CFAP161: variants seen among roughly 807,000 people sequenced by gnomAD.
CFAP161 encodes cilia- and flagella-associated protein 161.
CFAP161 carries 25 observed loss-of-function variants against 29.0 expected under a neutral mutation model. The ratio of observed to expected loss-of-function variants is 0.86; its 90% CI spans 0.63 to 1.20. The LOEUF (loss-of-function observed/expected upper bound fraction) is 1.20. Ranked by LOEUF, CFAP161 falls within the 50% of genes most tolerant of loss-of-function variation. CFAP161 has a pLI of 0.00. For missense variants in CFAP161, 367 were observed against 371.9 expected, an observed-to-expected ratio of 0.99 and a Z score of 0.11; for synonymous variants, 116 against 137.4, an observed-to-expected ratio of 0.84 and a Z score of 1.09.
intron 5 of CFAP161, among the ~76,000 whole-genome samples, chr15:81,144,799 AG>A (rs1411052945): frequency 2.0e-5 from 3 of 150,498 alleles, no homozygotes; most frequent in African/African-American, 7.4e-5. Context: ...AAAAAAAAAA[AG>A]AAAGAAAAAG....
upstream of CFAP161, among the ~76,000 whole-genome samples, chr15:81,129,610 T>C (rs1345845735): frequency 6.6e-6 from 1 of 152,194 alleles, no homozygotes; most frequent in Non-Finnish European, 1.5e-5. Flanking sequence ...GAGCTACAAT[T>C]TGAGATGAGA....
chr15:81,133,487 T>G (rs761926783), upstream of CFAP161, among the ~76,000 whole-genome samples: 1 of 152,146 alleles, frequency 6.6e-6, no homozygotes. Flanking sequence ...AGTCATGTCT[T>G]ACTAGACACT....
chr15:81,102,768 G>A (rs1350107907), intron 1 of CFAP161, among the ~76,000 whole-genome samples: 2 of 152,186 alleles, frequency 1.3e-5, no homozygotes, highest in African/African-American at 2.4e-5. Flanking sequence ...AAGAGACACC[G>A]GCTTAGCTTG....
At chr15:81,136,473 G>A in intron 2 of CFAP161, 43 bp from the exon 3 acceptor site, 1 of 1,564,914 alleles carries the variant, frequency 6.4e-7, no homozygotes. Flanking sequence ...TAACTGTTGA[G>A]GAATTGCATG....
At chr15:81,134,100 C>G (rs1894763314), upstream of CFAP161, 1 of 530,466 alleles carries the variant, frequency 1.9e-6, no homozygotes, top group South Asian at 2.3e-5. Flanking sequence ...TCTCGCCCAC[C>G]CTGCAGTTAA....
intron 2 of CFAP161, among the ~76,000 whole-genome samples, chr15:81,128,087 T>A (rs1894663295): frequency 6.6e-6 from 1 of 152,184 alleles, no homozygotes; most frequent in South Asian, 2.1e-4. Flanking sequence ...TTGTATAAGG[T>A]GGTAATGACC....
In CFAP161 at chr15:81,148,418, G is replaced by A; in HGVS notation, c.791G>A (p.Trp264Ter). 6.2e-7 allele frequency: 1 copy of A among 1,614,144 alleles called. No individual in the cohort carries two copies. The highest frequency in any genetic ancestry group is 8.5e-7 in the Non-Finnish European group (1 of 1,179,998). Reference protein sequence around the residue: ...SHRVEKPRNHWMLVTGNPRDA... With the variant: ...SHRVEKPRNH The stretch of plus-strand genomic sequence containing the variant: ...AGAGTTGAGAAACCAAGGAACCACT[G>A]GATGTTGGTTACTGGGAATCCCAGG... The change falls in exon 7 of 7, where the codon TGG becomes TAG. Residue 264 changes from tryptophan to a stop codon, truncating the protein, a stop_gained. Transcript: ENST00000286732. LOFTEE classifies it low-confidence loss of function (END_TRUNC).
At chr15:81,103,570 G>A (rs1002036459) in intron 1 of CFAP161, among the ~76,000 whole-genome samples, 3 of 152,148 alleles carry the variant, frequency 2.0e-5, no homozygotes, top group Non-Finnish European at 4.4e-5. Context: ...AGGGTGGTGT[G>A]CCCAGGAAGG....
At chr15:81,138,597 C>T (rs968016060) in intron 4 of CFAP161, among the ~76,000 whole-genome samples, 3 of 152,072 alleles carry the variant, frequency 2.0e-5, no homozygotes, top group Admixed American at 6.5e-5. Flanking sequence ...AATCAGGGAG[C>T]CTTGGGGATT....
upstream of CFAP161, among the ~76,000 whole-genome samples, chr15:81,134,013 A>G (rs1894761294): frequency 6.6e-6 from 1 of 152,188 alleles, no homozygotes; most frequent in South Asian, 2.1e-4. Context: ...ACTCGATAGC[A>G]CTTTTCGGTT....
chr15:81,133,176 CATATATATATATAT>C (rs141326043), upstream of CFAP161, among the ~76,000 whole-genome samples: 219 of 60,986 alleles, frequency 3.6e-3, 3 homozygotes, highest in African/African-American at 0.012. Context: ...CCTTCATCAG[CATATATATATATAT>C]ATATATATAT....
intron 1 of CFAP161, chr15:81,118,294 A>T: frequency 2.0e-6 from 1 of 500,372 alleles, no homozygotes; most frequent in South Asian, 1.9e-5. Flanking sequence ...TAAGCTCTCA[A>T]TTTTCCAGTC....
chr15:81,143,726 T>A lies in CFAP161; in HGVS notation c.542T>A (p.Val181Glu). Residue 181 changes from valine to glutamate, a missense_variant, in exon 5 of 7, where the codon GTG (valine) becomes GAG (glutamate). By Grantham distance (121) the Val-to-Glu change is moderately radical. Coordinates refer to ENST00000286732, the MANE Select transcript of CFAP161 (RefSeq NM_173528.4). ...TCTAAGAGGTCTTGGCTCCAGGAAG[T>A]GTACCTAACAGATGAGGTCTCCCAT... ...KSSKRSWLQEVYLTDEVSHVN... is the reference protein window; with the variant it reads ...KSSKRSWLQEEYLTDEVSHVN... The A allele has an allele frequency of 6.2e-7, 1 of 1,614,122 alleles. No individual in the cohort carries two copies. Among genetic ancestry groups the A allele is most frequent in the Non-Finnish European group, 8.5e-7 (1 of 1,180,018 alleles).
Position 81,107,669 on chromosome 15 carries a change from G to A in CFAP161, c.-141-19921G>A, listed in dbSNP as rs367672187. 1.6e-3 allele frequency among the ~76,000 whole-genome samples: 241 copies of A among 152,242 alleles called. 1 individual carries two copies. The highest frequency in any genetic ancestry group is 5.3e-3 in the African/African-American group (219 of 41,534). ...GAACCCAGGAGGCGGAGGTTGTGGC[G>A]AGCCGAGATCATGCCATTGCACTCC... On this transcript the variant is annotated intron_variant, in intron 1 of 4. Transcript: ENST00000560091.
In CFAP161 at chr15:81,138,073, CA is replaced by C; in HGVS notation, c.417del (p.Val140SerfsTer12). ...ILSVHRDATG[Q>X]VLRYGQDFCL... The stretch of plus-strand genomic sequence containing the variant: ...CAGTGTACACAGAGATGCCACTGGT[CA>C]AGTCCTTAGATATGGGCAGGACTTT... On this transcript the variant is annotated frameshift_variant, in exon 4 of 7. Coordinates refer to ENST00000286732, the MANE Select transcript of CFAP161 (RefSeq NM_173528.4). LOFTEE classifies it high-confidence loss of function. The C allele has an allele frequency of 1.2e-6, 2 of 1,611,878 alleles. No homozygotes were observed. The highest frequency in any genetic ancestry group is 1.7e-6 in the Non-Finnish European group (2 of 1,177,976).
chr15:81,116,158 G>T (rs1330850087), intron 1 of CFAP161, among the ~76,000 whole-genome samples: 1 of 152,118 alleles, frequency 6.6e-6, no homozygotes, highest in Non-Finnish European at 1.5e-5. Flanking sequence ...CTTAGAGTAG[G>T]TTCCGTTAGG....
At chr15:81,127,371 G>A (rs1273711315) in intron 1 of CFAP161, among the ~76,000 whole-genome samples, 1 of 152,140 alleles carries the variant, frequency 6.6e-6, no homozygotes, top group African/African-American at 2.4e-5. Context: ...TAACCTAGGT[G>A]TGCAGATCAC....
At chr15:81,120,725 A>G (rs778253086) in intron 1 of CFAP161, among the ~76,000 whole-genome samples, 14 of 152,280 alleles carry the variant, frequency 9.2e-5, no homozygotes, top group Non-Finnish European at 1.6e-4. Context: ...CGTATGTCCT[A>G]CAAATCATAT....
chr15:81,132,015 G>T (rs1469001749), upstream of CFAP161, among the ~76,000 whole-genome samples: 1 of 152,166 alleles, frequency 6.6e-6, no homozygotes, highest in Non-Finnish European at 1.5e-5. Context: ...GGTGGCTTAT[G>T]CCTGTAATCC....
Sources: gnomAD v4.1 joint callset for allele counts (sites outside exome capture counted in the v4.1 genomes callset) on GRCh38, gnomAD v4.1.1 for gene constraint, MANE v1.5 for transcripts, NCBI Gene and HGNC (gene_info 2026-07-23, HGNC 2026-07-21) for gene names.